SRFBP1: variants seen among roughly 807,000 people sequenced by gnomAD.
The protein encoded by SRFBP1 is serum response factor-binding protein 1.
SRFBP1 carries 47 observed loss-of-function variants against 45.5 expected under a neutral mutation model. The ratio of observed to expected loss-of-function variants is 1.03; its 90% CI spans 0.82 to 1.32. The LOEUF is 1.32. Ranked by LOEUF, SRFBP1 falls within the 40% of genes most tolerant of loss-of-function variation. The probability of loss-of-function intolerance (pLI) is 0.00; values close to 1 mark genes in which losing one functional copy is unlikely to be tolerated. For synonymous variants in SRFBP1, 203 were observed against 166.3 expected (o/e 1.22, Z -1.70); for missense variants, 621 against 484.6 (o/e 1.28, Z -2.64).
intron 3 of SRFBP1, among the ~76,000 whole-genome samples, chr5:121,993,583 C>T (rs901663665): frequency 3.3e-5 from 5 of 152,076 alleles, no homozygotes; most frequent in Admixed American, 3.3e-4. Flanking sequence ...GGACAAATCA[C>T]GATTTGAGTC....
In SRFBP1 at chr5:122,019,240, T is replaced by C; in HGVS notation, c.271-20T>C. 1 of 1,596,754 alleles carries C rather than the reference T, an allele frequency of 6.3e-7. No individual in the cohort carries two copies. The highest frequency in any genetic ancestry group is 8.6e-7 in the Non-Finnish European group (1 of 1,165,440). On this transcript the variant is annotated intron_variant, in intron 4 of 7. Coordinates refer to ENST00000339397, the MANE Select transcript of SRFBP1 (RefSeq NM_152546.3). ...TTTTTATTTCATTCCCATACGTTTA[T>C]TATATTTTTAAATTTGCAGCCAGAT...
intron 2 of SRFBP1, among the ~76,000 whole-genome samples, chr5:122,037,014 T>A (rs932488890): frequency 6.6e-6 from 1 of 151,876 alleles, no homozygotes; most frequent in African/African-American, 2.4e-5. Context: ...TTCTCCTGCC[T>A]CAAGCTCCCG....
intron 2 of SRFBP1, among the ~76,000 whole-genome samples, chr5:122,046,747 C>A (rs960585029): frequency 2.0e-5 from 3 of 152,134 alleles, no homozygotes; most frequent in African/African-American, 7.2e-5. Context: ...TTCTAACTGG[C>A]GTGAGATGGT....
chr5:121,979,441 T>C (rs1320755954), intron 3 of SRFBP1, among the ~76,000 whole-genome samples: 1 of 152,240 alleles, frequency 6.6e-6, no homozygotes, highest in East Asian at 1.9e-4. Flanking sequence ...AGATACCTTA[T>C]TGAAGTCTGT....
At chr5:122,002,657 T>C (rs1752895025) in intron 4 of SRFBP1, among the ~76,000 whole-genome samples, 2 of 152,210 alleles carry the variant, frequency 1.3e-5, no homozygotes, top group African/African-American at 4.8e-5. Flanking sequence ...ATGTGAGAAA[T>C]TGTTGAATAT....
At chr5:122,045,356 A>G (rs952610409) in intron 2 of SRFBP1, among the ~76,000 whole-genome samples, 1 of 152,124 alleles carries the variant, frequency 6.6e-6, no homozygotes, top group South Asian at 2.1e-4. Flanking sequence ...TTGGTTTCAT[A>G]TGAATTTTAA....
intron 2 of SRFBP1, chr5:122,064,153 G>T (rs964301830): frequency 5.3e-5 from 8 of 151,884 alleles, no homozygotes; most frequent in African/African-American, 1.9e-4. Flanking sequence ...TCTCCTGTCA[G>T]TACTCAACAT....
downstream of SRFBP1, chr5:122,077,895 G>T: frequency 2.6e-6 from 4 of 1,521,890 alleles, no homozygotes; most frequent in South Asian, 1.3e-5. The surrounding 1 kb of genome is among the most constrained non-coding windows in gnomAD (Gnocchi z 4.9). Flanking sequence ...TCGCGCGGGG[G>T]CTGCTGTTGG....
intron 2 of SRFBP1, among the ~76,000 whole-genome samples, chr5:122,053,302 G>A (rs1401165621): frequency 6.6e-6 from 1 of 152,112 alleles, no homozygotes; most frequent in Non-Finnish European, 1.5e-5. Flanking sequence ...ATGTTTCCAG[G>A]GTAAGAAGAA....
intron 3 of SRFBP1, among the ~76,000 whole-genome samples, chr5:121,992,460 G>A (rs1237560520): frequency 6.6e-6 from 1 of 151,766 alleles, no homozygotes; most frequent in African/African-American, 2.4e-5. Flanking sequence ...CTCTTGTAAG[G>A]AAGATGGTGA....
At chr5:121,979,883 GC>G (rs1752374310) in intron 3 of SRFBP1, among the ~76,000 whole-genome samples, 1 of 152,106 alleles carries the variant, frequency 6.6e-6, no homozygotes, top group South Asian at 2.1e-4. Context: ...TCTCCAGTGT[GC>G]CAGGCTTCAT....
At chr5:122,021,301 C>G (rs1327896533) in intron 6 of SRFBP1, among the ~76,000 whole-genome samples, 1 of 152,156 alleles carries the variant, frequency 6.6e-6, no homozygotes, top group Non-Finnish European at 1.5e-5. Flanking sequence ...GTCTCCATCT[C>G]TGTTGCTCAC....
intron 2 of SRFBP1, among the ~76,000 whole-genome samples, chr5:122,073,517 A>G (rs1754514973): frequency 6.6e-6 from 1 of 152,202 alleles, no homozygotes; most frequent in South Asian, 2.1e-4. Context: ...CATAAAACAG[A>G]AGGAAGGAAT....
chr5:121,970,983 C>G (rs1752179625), intron 1 of SRFBP1, among the ~76,000 whole-genome samples: 1 of 152,000 alleles, frequency 6.6e-6, no homozygotes, highest in Non-Finnish European at 1.5e-5. Flanking sequence ...GGTCCAAAAT[C>G]AGGATGAATA....
chr5:122,050,194 C>T (rs1753945740), intron 2 of SRFBP1, among the ~76,000 whole-genome samples: 1 of 151,972 alleles, frequency 6.6e-6, no homozygotes, highest in Non-Finnish European at 1.5e-5. Context: ...AGGATATTGG[C>T]CTGAAGTTTT....
intron 7 of SRFBP1, among the ~76,000 whole-genome samples, chr5:122,025,560 T>C (rs1457866908): frequency 6.6e-6 from 1 of 152,186 alleles, no homozygotes; most frequent in Non-Finnish European, 1.5e-5. Context: ...ATGGTTGAAC[T>C]AGTTTACAGT....
intron 2 of SRFBP1, among the ~76,000 whole-genome samples, chr5:122,046,231 G>A (rs1753856364): frequency 6.6e-6 from 1 of 151,672 alleles, no homozygotes; most frequent in Non-Finnish European, 1.5e-5. Flanking sequence ...AATGTGTGAT[G>A]TTCCCCTTCC....
chr5:122,061,228 G>A (rs748744957), intron 2 of SRFBP1, among the ~76,000 whole-genome samples: 12 of 151,548 alleles, frequency 7.9e-5, no homozygotes, highest in Admixed American at 6.6e-4. Flanking sequence ...TCAAACAAAC[G>A]ATCTCTTATC....
intron 2 of SRFBP1, among the ~76,000 whole-genome samples, chr5:122,052,232 A>G (rs1754001308): frequency 6.6e-6 from 1 of 151,778 alleles, no homozygotes; most frequent in Admixed American, 6.6e-5. Context: ...TGTTTTGGAG[A>G]TGGTCTTGTA....
Sources: allele counts gnomAD v4.1 joint callset (sites outside exome capture counted in the v4.1 genomes callset), GRCh38; gene constraint gnomAD v4.1.1; non-coding constraint Gnocchi (gnomAD v3.1); transcripts MANE v1.5; gene names NCBI Gene and HGNC (gene_info 2026-07-23, HGNC 2026-07-21).